MYRFL: variants seen among roughly 807,000 people sequenced by gnomAD.
MYRFL encodes the protein myelin regulatory factor-like protein.
MYRFL carries 88 observed loss-of-function variants against 109.4 expected under a neutral mutation model. The observed-to-expected ratio is 0.80, with a 90% CI of 0.68 to 0.96. The LOEUF is 0.96. Ranked by LOEUF, MYRFL falls within the 40% of genes least tolerant of loss-of-function variation. The pLI is 0.00. For synonymous variants in MYRFL, 324 were observed against 320.9 expected (o/e 1.01, Z -0.10); for missense variants, 957 against 954.9 (o/e 1.00, Z -0.03).
chr12:69,922,324 A>G (rs1039654716), intron 13 of MYRFL, among the ~76,000 whole-genome samples: 1 of 152,148 alleles, frequency 6.6e-6, no homozygotes, highest in Non-Finnish European at 1.5e-5. Context: ...TATCTTCATA[A>G]TTTCTGCCTT....
rs570732268 is a variant in MYRFL at position 69,936,007 on chromosome 12, T to C, written c.1917-106T>C. 18 of 1,304,686 alleles carry C rather than the reference T, an allele frequency of 1.4e-5. No homozygotes were observed. The South Asian group carries it at 2.2e-4, about 16-fold the overall frequency. 80.8% of individuals were successfully genotyped at this position (1,304,686 alleles called of 1,614,324 possible). A position where few individuals can be genotyped will look rare whatever the true frequency, so the allele number is the denominator to read the frequency against. ...CCCCTCCCCCCTGCTCCCATCTGTG[T>C]GGCCTGTGAGAGTACATCTCTGGCC... On this transcript the variant is annotated intron_variant, in intron 16 of 24. Coordinates refer to ENST00000552032, the MANE Select transcript of MYRFL (RefSeq NM_182530.3).
intron 2 of MYRFL, among the ~76,000 whole-genome samples, chr12:69,860,228 G>C (rs1302167922): frequency 6.6e-6 from 1 of 152,150 alleles, no homozygotes; most frequent in Non-Finnish European, 1.5e-5. Flanking sequence ...GCATTAGTTT[G>C]CTGAGGATAA....
intron 13 of MYRFL, among the ~76,000 whole-genome samples, chr12:69,916,378 C>T (rs931020649): frequency 6.6e-6 from 1 of 152,118 alleles, no homozygotes; most frequent in African/African-American, 2.4e-5. Context: ...CAAAAGAAGA[C>T]ATGATGGACC....
At chr12:69,921,130 G>C (rs370434787) in intron 13 of MYRFL, among the ~76,000 whole-genome samples, 9 of 152,150 alleles carry the variant, frequency 5.9e-5, no homozygotes, top group African/African-American at 2.2e-4. Flanking sequence ...ATTACAAAAT[G>C]GTTAGTCATC....
At chr12:69,871,230 T>TA (rs1885331495) in intron 2 of MYRFL, among the ~76,000 whole-genome samples, 1 of 128,914 alleles carries the variant, frequency 7.8e-6, no homozygotes, top group Non-Finnish European at 1.6e-5. Context: ...TTTGGATATT[T>TA]CTTTTTTTTT....
intron 13 of MYRFL, among the ~76,000 whole-genome samples, chr12:69,924,465 A>G (rs1955008523): frequency 6.6e-6 from 1 of 152,192 alleles, no homozygotes; most frequent in African/African-American, 2.4e-5. Context: ...ACAGTTGCAT[A>G]GTATACTGCT....
intron 2 of MYRFL, among the ~76,000 whole-genome samples, chr12:69,859,479 A>T (rs1884503602): frequency 6.6e-6 from 1 of 152,218 alleles, no homozygotes; most frequent in South Asian, 2.1e-4. Flanking sequence ...CTACTTCTCC[A>T]TCAGTTCTAT....
At position 69,895,356 on chromosome 12, in the gene MYRFL, T is replaced by C. The variant is rs1566006095; in HGVS notation, c.981-15T>C. On this transcript the variant is annotated splice_polypyrimidine_tract_variant and intron_variant, in intron 8 of 24. Transcript: ENST00000552032. ...TTATAGTCTCTTGGTTTTTTTTTTT[T>C]GCTGTTTGTTTTAGAATTGACCTAC... The C allele has an allele frequency of 1.3e-6, 2 of 1,501,946 alleles. No individual in the cohort carries two copies. Among genetic ancestry groups the C allele is most frequent in the East Asian group, 2.5e-5 (1 of 40,772 alleles). 93.0% of individuals were successfully genotyped at this position (1,501,946 alleles called of 1,614,324 possible).
chr12:69,925,246 A>G (rs748577216), intron 13 of MYRFL, among the ~76,000 whole-genome samples: 3 of 152,164 alleles, frequency 2.0e-5, no homozygotes, highest in Non-Finnish European at 4.4e-5. Context: ...CAGGGTGTTC[A>G]GGGGGCCTCA....
chr12:69,912,619 G>C (rs986748293), intron 13 of MYRFL, among the ~76,000 whole-genome samples: 25 of 152,086 alleles, frequency 1.6e-4, no homozygotes, highest in African/African-American at 3.1e-4. Flanking sequence ...GTTCATCTAT[G>C]TTGCAGTGTG....
At chr12:69,834,653 C>T (rs1438178161) in intron 1 of MYRFL, among the ~76,000 whole-genome samples, 1 of 152,134 alleles carries the variant, frequency 6.6e-6, no homozygotes, top group Non-Finnish European at 1.5e-5. Flanking sequence ...TATTGTGAAA[C>T]AAGAACAAGT....
At chr12:69,944,563 T>A (rs563357591) in intron 19 of MYRFL, among the ~76,000 whole-genome samples, 1 of 148,040 alleles carries the variant, frequency 6.8e-6, no homozygotes, top group Non-Finnish European at 1.5e-5. Flanking sequence ...AGGGATAGCA[T>A]TGGGAGATAT....
At chr12:69,955,977 A>G (rs1956085084) in intron 22 of MYRFL, among the ~76,000 whole-genome samples, 1 of 152,134 alleles carries the variant, frequency 6.6e-6, no homozygotes, top group African/African-American at 2.4e-5. Flanking sequence ...TATCTGTAAT[A>G]TAAGTATTAC....
intron 14 of MYRFL, among the ~76,000 whole-genome samples, chr12:69,926,959 T>TTTTTTTTTTTTTTTTC (rs1955113515): frequency 8.4e-6 from 1 of 118,586 alleles, no homozygotes; most frequent in Admixed American, 9.4e-5. Flanking sequence ...TTTTTTTTTT[T>TTTTTTTTTTTTTTTTC]TTGAGCCTGA....
At chr12:69,897,964 G>A (rs904397048) in intron 10 of MYRFL, among the ~76,000 whole-genome samples, 2 of 152,232 alleles carry the variant, frequency 1.3e-5, no homozygotes, top group African/African-American at 4.8e-5. Flanking sequence ...AGCTGCAGCT[G>A]TGTGAGTTCA....
At chr12:69,858,168 G>T (rs74101351) in intron 2 of MYRFL, among the ~76,000 whole-genome samples, 7,018 of 151,610 alleles carry the variant, frequency 0.046, 546 homozygotes, top group African/African-American at 0.16. Context: ...CTTAGTTTTT[G>T]ATTATTGAAC....
chr12:69,845,184 AT>A (rs1338293356), intron 1 of MYRFL, among the ~76,000 whole-genome samples: 1 of 151,912 alleles, frequency 6.6e-6, no homozygotes, highest in Non-Finnish European at 1.5e-5. Context: ...TTTATTTGTT[AT>A]TTTTTATATG....
intron 1 of MYRFL, among the ~76,000 whole-genome samples, chr12:69,830,076 T>C (rs1340862124): frequency 6.6e-6 from 1 of 152,124 alleles, no homozygotes; most frequent in Non-Finnish European, 1.5e-5. Flanking sequence ...AAATGGCAAA[T>C]GATCTAACAC....
At chr12:69,886,673 C>A in intron 5 of MYRFL, 147 bp from the exon 6 acceptor site, 1 of 941,778 alleles carries the variant, frequency 1.1e-6, no homozygotes, top group Non-Finnish European at 1.5e-6. Flanking sequence ...AAAATGAGGT[C>A]AGCAACACAC....
Sources: allele counts gnomAD v4.1 joint callset (sites outside exome capture counted in the v4.1 genomes callset), GRCh38; gene constraint gnomAD v4.1.1; transcripts MANE v1.5; gene names NCBI Gene and HGNC (gene_info 2026-07-23, HGNC 2026-07-21).